The following SLCO1B1 variants were observed in gnomAD, a reference collection of about 807,000 sequenced individuals.
SLCO1B1 encodes the protein solute carrier organic anion transporter family member 1B1, also known as OATP-2.
Under a neutral mutation model 70.1 loss-of-function variants are expected in SLCO1B1, and 81 were observed. The ratio of observed to expected loss-of-function variants is 1.16; its 90% confidence interval spans 0.97 to 1.39. SLCO1B1 has a LOEUF of 1.39. Ranked by LOEUF, SLCO1B1 falls within the 40% of genes most tolerant of loss-of-function variation. SLCO1B1 has a pLI of 0.00. For missense variants in SLCO1B1, 895 were observed against 799.6 expected, an observed-to-expected ratio of 1.12 and a Z score of -1.44; for synonymous variants, 283 against 271.5, an observed-to-expected ratio of 1.04 and a Z score of -0.42.
intron 5 of SLCO1B1, among the ~76,000 whole-genome samples, chr12:21,178,307 A>G (rs1326505620): frequency 6.6e-6 from 1 of 152,096 alleles, no homozygotes; most frequent in African/African-American, 2.4e-5. Context: ...ATCTTCCGCC[A>G]TGATTGTGAG....
chr12:21,235,421 T>G (rs1349956752), intron 14 of SLCO1B1, among the ~76,000 whole-genome samples: 1 of 150,512 alleles, frequency 6.6e-6, no homozygotes, highest in Non-Finnish European at 1.5e-5. Context: ...TCTTTTACTT[T>G]AAGTCTATGG....
chr12:21,173,638 T>G lies in SLCO1B1; in HGVS notation c.226+847T>G, dbSNP rs146338166. Among the ~76,000 whole-genome samples the G allele has an allele frequency of 1.6e-3, 250 of 152,142 alleles. 1 individual carries two copies. The highest frequency in any genetic ancestry group is 5.7e-3 in the African/African-American group (237 of 41,530). ...ATTTTTTATAAAGTAAAAAAAAAAT[T>G]TACTCATTCATTTTGGTGCTTTTAT... is the stretch of plus-strand genomic sequence containing the variant. On this transcript the variant is annotated intron_variant, in intron 3 of 14. Coordinates refer to ENST00000256958, the MANE Select transcript of SLCO1B1 (RefSeq NM_006446.5).
intron 7 of SLCO1B1, among the ~76,000 whole-genome samples, chr12:21,182,848 G>A (rs747359732): frequency 6.6e-5 from 10 of 152,270 alleles, no homozygotes; most frequent in East Asian, 5.8e-4. Context: ...TGAGATGCAC[G>A]GGTTCATGGG....
intron 7 of SLCO1B1, among the ~76,000 whole-genome samples, chr12:21,188,532 T>G (rs1287921111): frequency 6.6e-6 from 1 of 152,170 alleles, no homozygotes; most frequent in East Asian, 1.9e-4. Flanking sequence ...GCCAAAGTCA[T>G]GTAGAATTGT....
chr12:21,181,335 C>T (rs1366079519), intron 7 of SLCO1B1, among the ~76,000 whole-genome samples: 1 of 151,658 alleles, frequency 6.6e-6, no homozygotes, highest in African/African-American at 2.4e-5. Context: ...AGTGAAAGAA[C>T]AGAAAAAAAA....
chr12:21,222,993 C>T lies in SLCO1B1; in HGVS notation c.1747+629C>T, dbSNP rs150441441. Among the ~76,000 whole-genome samples the T allele has an allele frequency of 1.3e-4, 20 of 152,218 alleles. No individual in the cohort carries two copies. The South Asian group carries it at 1.4e-3, about 11-fold the overall frequency. The stretch of plus-strand genomic sequence containing the variant: ...TCTGTTGGTTTTCTTCCCTCCGTTC[C>T]GTTTTGTGTGTCTCTAATCTCCCAG... On this transcript the variant is annotated intron_variant, in intron 13 of 14. Transcript: ENST00000256958.
At chr12:21,135,811 A>G (rs1246037043) in intron 1 of SLCO1B1, among the ~76,000 whole-genome samples, 2 of 152,136 alleles carry the variant, frequency 1.3e-5, no homozygotes, top group African/African-American at 4.8e-5. Flanking sequence ...GTGTCTTTTA[A>G]TTGCAGCATT....
At chr12:21,227,256 A>T (rs1941491329) in intron 14 of SLCO1B1, among the ~76,000 whole-genome samples, 1 of 150,458 alleles carries the variant, frequency 6.6e-6, no homozygotes, top group African/African-American at 2.5e-5. Context: ...GAATAGTCTG[A>T]TGTCTTGAAA....
intron 11 of SLCO1B1, among the ~76,000 whole-genome samples, chr12:21,210,879 A>G (rs1941275330): frequency 6.6e-6 from 1 of 152,000 alleles, no homozygotes; most frequent in African/African-American, 2.4e-5. Context: ...GTTGGTGTAT[A>G]GGAATGCTTG....
chr12:21,174,520 A>G (rs1940794980), intron 3 of SLCO1B1, 57 bp from the exon 4 acceptor site: 35 of 1,580,976 alleles, frequency 2.2e-5, no homozygotes, highest in Non-Finnish European at 2.9e-5. Context: ...TGGGGTTTTC[A>G]ATTCTAGACG....
chr12:21,150,156 TGGGCA>T (rs1180732731), intron 2 of SLCO1B1, among the ~76,000 whole-genome samples: 1 of 152,142 alleles, frequency 6.6e-6, no homozygotes, highest in Non-Finnish European at 1.5e-5. Flanking sequence ...TCCTCCTCTC[TGGGCA>T]GGGCATCTCT....
At chr12:21,207,130 T>TA (rs988833608) in intron 11 of SLCO1B1, among the ~76,000 whole-genome samples, 2 of 151,956 alleles carry the variant, frequency 1.3e-5, no homozygotes, top group Non-Finnish European at 2.9e-5. Flanking sequence ...TGCTGTTTTT[T>TA]AAAAAAATAA....
intron 12 of SLCO1B1, 27 bp from the exon 13 acceptor site, chr12:21,222,273 T>G (rs375434914): frequency 4.6e-5 from 58 of 1,265,262 alleles, no homozygotes; most frequent in South Asian, 2.9e-4. Context: ...TGATATTTAA[T>G]GTTTCTTTGC....
chr12:21,170,172 C>A (rs1206072829), intron 2 of SLCO1B1, among the ~76,000 whole-genome samples: 1 of 152,076 alleles, frequency 6.6e-6, no homozygotes, highest in Non-Finnish European at 1.5e-5. Context: ...AAGTCAGAAG[C>A]CTGTCCTTGG....
At chr12:21,206,134 G>GAT (rs1291029809) in intron 11 of SLCO1B1, 101 bp downstream of exon 11, 1 of 1,000,940 alleles carries the variant, frequency 1.0e-6, no homozygotes, top group African/African-American at 1.6e-5. Context: ...CCATTAAAAA[G>GAT]ATAAAAGAGA....
intron 1 of SLCO1B1, among the ~76,000 whole-genome samples, chr12:21,137,004 T>C (rs1940232097): frequency 6.6e-6 from 1 of 152,076 alleles, no homozygotes. Flanking sequence ...TACAGATGGG[T>C]TTTTGGTGCG....
chr12:21,226,901 C>G (rs1941488043), intron 14 of SLCO1B1, among the ~76,000 whole-genome samples: 2 of 151,810 alleles, frequency 1.3e-5, no homozygotes, highest in Admixed American at 1.3e-4. Context: ...TAAAAAAAAT[C>G]AAGTATCTCC....
intron 1 of SLCO1B1, among the ~76,000 whole-genome samples, chr12:21,138,075 G>A (rs774707103): frequency 8.5e-5 from 13 of 152,162 alleles, no homozygotes; most frequent in Non-Finnish European, 1.3e-4. Flanking sequence ...TAAGACAATT[G>A]TTTTTATTGT....
At chr12:21,190,978 T>C (rs1941023530) in intron 7 of SLCO1B1, among the ~76,000 whole-genome samples, 1 of 152,106 alleles carries the variant, frequency 6.6e-6, no homozygotes, top group Non-Finnish European at 1.5e-5. Flanking sequence ...CCATTTATTG[T>C]CTCTGTTCTG....
Sources: allele counts gnomAD v4.1 joint callset (sites outside exome capture counted in the v4.1 genomes callset), GRCh38; gene constraint gnomAD v4.1.1; transcripts MANE v1.5; gene names NCBI Gene and HGNC (gene_info 2026-07-23, HGNC 2026-07-21).